Variants in BCHE observed in about 807,000 individuals in gnomAD.
The protein encoded by BCHE is butyrylcholinesterase, also known as cholinesterase.
Under a neutral mutation model 51.3 loss-of-function variants are expected in BCHE, and 48 were observed. That is an observed-to-expected ratio of 0.94 (90% CI 0.74 to 1.19). BCHE has a LOEUF of 1.19. BCHE is among the 50% of genes most tolerant of loss of function. The probability of loss-of-function intolerance (pLI) is 0.00; values close to 1 mark genes in which losing one functional copy is unlikely to be tolerated. For missense variants in BCHE, 847 were observed against 708.2 expected (o/e 1.20, Z -2.23); for synonymous variants, 251 against 238.0 (o/e 1.05, Z -0.50).
chr3:165,784,166 C>A (rs114240784), intron 3 of BCHE, among the ~76,000 whole-genome samples: 265 of 151,956 alleles, frequency 1.7e-3, no homozygotes, highest in African/African-American at 6.2e-3. Flanking sequence ...GGTCATCTGA[C>A]TAACGCATTC....
rs761458446 is a variant in BCHE at position 165,786,274 on chromosome 3, G to C, written c.1555C>G (p.Pro519Ala). ...NETQNNSTSWPVFKSTEQKYL... is the reference protein window; with the variant it reads ...NETQNNSTSWAVFKSTEQKYL... ...TTTTGTTCAGTGCTTTTGAAGACAG[G>C]CCAGCTTGTGCTATTGTTCTGAGTC... is the stretch of plus-strand genomic sequence containing the variant. The change falls in exon 3 of 4, where the codon CCT becomes GCT. Residue 519 changes from proline (P) to alanine (A), a missense_variant. Pro to Ala is a conservative substitution (Grantham distance 27, BLOSUM62 -1). Transcript: ENST00000264381. 3.7e-6 allele frequency: 6 copies of C among 1,611,782 alleles called. No individual in the cohort carries two copies. The highest frequency in any genetic ancestry group is 2.2e-5 in the East Asian group (1 of 44,732).
intron 2 of BCHE, among the ~76,000 whole-genome samples, chr3:165,826,983 C>T (rs1443487731): frequency 6.6e-6 from 1 of 152,026 alleles, no homozygotes; most frequent in African/African-American, 2.4e-5. Context: ...TGTTAAATGT[C>T]ATTGGTGGGT....
chr3:165,778,704 T>G, intron 3 of BCHE: 1 of 453,910 alleles, frequency 2.2e-6, no homozygotes, highest in Non-Finnish European at 4.4e-6. Flanking sequence ...TAGCTGCTAG[T>G]GCAGTTCCTG....
In BCHE at chr3:165,801,332, CTT is replaced by C. The variant is rs774355817; in HGVS notation, c.1518-15023_1518-15022del. On this transcript the variant is annotated intron_variant, in intron 2 of 3. Transcript: ENST00000264381. ...TATACTGAAAACTATTATTTAATAA[CTT>C]ATGATTTGCATGTACCTTGGAAACA... Among the ~76,000 whole-genome samples the C allele has an allele frequency of 4.2e-4, 64 of 152,184 alleles. 1 individual carries two copies. The highest frequency in any genetic ancestry group is 1.0e-3 in the Admixed American group (16 of 15,278).
In BCHE at chr3:165,822,094, A is replaced by G. The variant is rs1383091334; in HGVS notation, c.1517+7423T>C. 7.2e-5 allele frequency among the ~76,000 whole-genome samples: 11 copies of G among 152,094 alleles called. No individual in the cohort carries two copies. In the East Asian group the frequency reaches 1.9e-3, roughly 27 times the overall value. On this transcript the variant is annotated intron_variant, in intron 2 of 3. Coordinates refer to ENST00000264381, the MANE Select transcript of BCHE (RefSeq NM_000055.4). ...TTGTTAAGTAGCTTGTGATTTTATGATATCAAAACAGGACAAAATAAAAGT... is the reference window on the plus strand; with the variant it reads ...TTGTTAAGTAGCTTGTGATTTTATGGTATCAAAACAGGACAAAATAAAAGT...
chr3:165,790,361 A>G (rs530731044), intron 2 of BCHE, among the ~76,000 whole-genome samples: 1 of 152,312 alleles, frequency 6.6e-6, no homozygotes, highest in African/African-American at 2.4e-5. Context: ...CCTGAAGATA[A>G]TAGATCTCTG....
At chr3:165,805,668 T>A (rs1230809598) in intron 2 of BCHE, among the ~76,000 whole-genome samples, 2 of 152,132 alleles carry the variant, frequency 1.3e-5, no homozygotes, top group East Asian at 3.8e-4. Context: ...AACATAAAGA[T>A]CATATTTTTA....
In BCHE at chr3:165,786,108, C is replaced by T. The variant is rs762088324; in HGVS notation, c.1684+37G>A. On this transcript the variant is annotated intron_variant, in intron 3 of 3. Coordinates refer to ENST00000264381, the MANE Select transcript of BCHE (RefSeq NM_000055.4). ...TTCATCCCTTTTTTACATAACCCATCATCTATTAAATAACCAAACACTAAA... is the reference window on the plus strand; with the variant it reads ...TTCATCCCTTTTTTACATAACCCATTATCTATTAAATAACCAAACACTAAA... 2.5e-6 allele frequency: 4 copies of T among 1,589,038 alleles called. No homozygotes were observed. In the South Asian group the frequency reaches 3.3e-5, roughly 13 times the overall value.
chr3:165,820,872 G>C (rs750775107), intron 2 of BCHE, among the ~76,000 whole-genome samples: 4 of 151,988 alleles, frequency 2.6e-5, no homozygotes, highest in Non-Finnish European at 4.4e-5. Flanking sequence ...AATGCATTTT[G>C]TAAGCATACT....
intron 2 of BCHE, among the ~76,000 whole-genome samples, chr3:165,824,219 A>G (rs1714638313): frequency 6.6e-6 from 1 of 151,756 alleles, no homozygotes; most frequent in Non-Finnish European, 1.5e-5. Context: ...AAATGACACT[A>G]TATTATGATA....
intron 2 of BCHE, among the ~76,000 whole-genome samples, chr3:165,793,131 T>C (rs1211334497): frequency 6.6e-6 from 1 of 152,190 alleles, no homozygotes. Flanking sequence ...GTTTTCCATA[T>C]GTTTTCTTCT....
chr3:165,828,072 T>C (rs1441966397), intron 2 of BCHE: 1 of 455,810 alleles, frequency 2.2e-6, no homozygotes, highest in African/African-American at 2.0e-5. Flanking sequence ...AAGAACAGCT[T>C]ACAATGAAAG....
rs914137547 is a variant in BCHE at position 165,786,052 on chromosome 3, T to G, written c.1684+93A>C. ...ATTTTAAAGTCAGAGATACATATAGTAACTCCATCACCGTGCCTTGGAGAG... is the reference window on the plus strand; with the variant it reads ...ATTTTAAAGTCAGAGATACATATAGGAACTCCATCACCGTGCCTTGGAGAG... On this transcript the variant is annotated intron_variant, in intron 3 of 3. Coordinates refer to ENST00000264381, the MANE Select transcript of BCHE (RefSeq NM_000055.4). 8 of 1,327,214 alleles carry G rather than the reference T, an allele frequency of 6.0e-6. No homozygotes were observed. In the African/African-American group the frequency reaches 8.8e-5, roughly 15 times the overall value. 82.2% of individuals were successfully genotyped at this position (1,327,214 alleles called of 1,614,324 possible). A position where few individuals can be genotyped will look rare whatever the true frequency, so the allele number is the denominator to read the frequency against.
chr3:165,773,243 A>T lies in BCHE; in HGVS notation c.*139T>A, dbSNP rs145327297. The T allele has an allele frequency of 1.9e-3, 1,443 of 748,234 alleles. 8 individuals are homozygous for T. In the African/African-American group the frequency reaches 0.02, roughly 11 times the overall value. 46.3% of individuals were successfully genotyped at this position (748,234 alleles called of 1,614,324 possible). On this transcript the variant is annotated 3_prime_UTR_variant, in exon 4 of 4. Transcript: ENST00000264381. ...TGCTAGGTAAAATACTAAGTTAAAGATGTGAGGAATCAATATTATCCTTCT... is the reference window on the plus strand; with the variant it reads ...TGCTAGGTAAAATACTAAGTTAAAGTTGTGAGGAATCAATATTATCCTTCT...
intron 2 of BCHE, among the ~76,000 whole-genome samples, chr3:165,787,466 G>A (rs1712997773): frequency 6.6e-6 from 1 of 151,574 alleles, no homozygotes; most frequent in Non-Finnish European, 1.5e-5. Flanking sequence ...AGCATAAACC[G>A]AGTCTAAAAA....
rs896343496 is a variant in BCHE at position 165,773,273 on chromosome 3, T to G, written c.*109A>C. On this transcript the variant is annotated 3_prime_UTR_variant, in exon 4 of 4. Transcript: ENST00000264381. ...AGGAATCAATATTATCCTTCTGGCATTTTTGTTTCAGCTACATAATAACTT... is the reference window on the plus strand; with the variant it reads ...AGGAATCAATATTATCCTTCTGGCAGTTTTGTTTCAGCTACATAATAACTT... 3 of 1,069,860 alleles carry G rather than the reference T, an allele frequency of 2.8e-6. No individual in the cohort carries two copies. The highest frequency in any genetic ancestry group is 1.6e-5 in the African/African-American group (1 of 62,404). The allele number at this position is 1,069,860 out of a possible 1,614,324, so 66.3% of individuals were successfully genotyped here.
At chr3:165,804,056 G>GA (rs11447348) in intron 2 of BCHE, among the ~76,000 whole-genome samples, 85,072 of 146,800 alleles carry the variant, frequency 0.58, 26,915 homozygotes, top group Non-Finnish European at 0.69. Context: ...AGAAAGGTTA[G>GA]AAAAAAAAAA....
At chr3:165,789,885 A>G (rs530451012) in intron 2 of BCHE, among the ~76,000 whole-genome samples, 1 of 152,300 alleles carries the variant, frequency 6.6e-6, no homozygotes, top group African/African-American at 2.4e-5. Flanking sequence ...TTGAGTGGTA[A>G]GAGATTCAAC....
At chr3:165,789,324 A>C (rs1280784858) in intron 2 of BCHE, among the ~76,000 whole-genome samples, 2 of 149,886 alleles carry the variant, frequency 1.3e-5, no homozygotes, top group Admixed American at 1.3e-4. Context: ...TTTTTTTTAC[A>C]TCTGTGTTAC....
Sources: gnomAD v4.1 joint callset for allele counts (sites outside exome capture counted in the v4.1 genomes callset) on GRCh38, gnomAD v4.1.1 for gene constraint, MANE v1.5 for transcripts, NCBI Gene and HGNC (gene_info 2026-07-23, HGNC 2026-07-21) for gene names.